RIMS1: variants seen among roughly 807,000 people sequenced by gnomAD.
RIMS1 encodes regulating synaptic membrane exocytosis protein 1.
In RIMS1, 83 loss-of-function variants were observed where a neutral mutation model predicts 214.1. That is an observed-to-expected ratio of 0.39 (90% CI 0.32 to 0.47). The LOEUF (loss-of-function observed/expected upper bound fraction) is 0.47, where lower values mean the gene tolerates loss of function less well. RIMS1 is among the 20% of genes least tolerant of loss of function. The pLI is 0.99. For missense variants in RIMS1, 2,050 were observed against 2,161.8 expected, an observed-to-expected ratio of 0.95 and a Z score of 1.03; for synonymous variants, 793 against 786.8, an observed-to-expected ratio of 1.01 and a Z score of -0.13.
chr6:72,090,347 T>G (rs1381249123), intron 2 of RIMS1, among the ~76,000 whole-genome samples: 2 of 152,086 alleles, frequency 1.3e-5, no homozygotes, highest in Non-Finnish European at 2.9e-5. Context: ...GATTTTGTTT[T>G]GAGGGGCATT....
At chr6:72,026,454 C>T (rs537252101) in intron 2 of RIMS1, among the ~76,000 whole-genome samples, 21 of 82,320 alleles carry the variant, frequency 2.6e-4, no homozygotes, top group Admixed American at 1.3e-3. Flanking sequence ...CCCCCAGCAC[C>T]GCCCCCCCCC....
chr6:72,400,475 T>TG (rs2154461128), intron 33 of RIMS1, 21 bp from the exon 34 acceptor site: 1 of 1,604,010 alleles, frequency 6.2e-7, no homozygotes, highest in East Asian at 2.2e-5. Context: ...CAGGTAATGT[T>TG]GCATTTCTCT....
intron 2 of RIMS1, among the ~76,000 whole-genome samples, chr6:72,059,494 G>A (rs1307133252): frequency 6.6e-6 from 1 of 152,140 alleles, no homozygotes; most frequent in African/African-American, 2.4e-5. Context: ...CTCCCAAAGT[G>A]CTGGAATTAC....
chr6:72,044,244 G>T (rs889453802), intron 2 of RIMS1, among the ~76,000 whole-genome samples: 7 of 151,560 alleles, frequency 4.6e-5, no homozygotes, highest in African/African-American at 1.7e-4. Context: ...ACTCAAAATG[G>T]ATTATAAACC....
At chr6:72,398,716 T>G (rs1325438309) in intron 32 of RIMS1, among the ~76,000 whole-genome samples, 1 of 152,156 alleles carries the variant, frequency 6.6e-6, no homozygotes, top group Non-Finnish European at 1.5e-5. Context: ...GTAACCCAAG[T>G]AAGTCAAAGT....
intron 1 of RIMS1, among the ~76,000 whole-genome samples, chr6:71,889,369 A>G (rs1042430965): frequency 3.3e-5 from 5 of 152,214 alleles, no homozygotes; most frequent in African/African-American, 7.2e-5. Flanking sequence ...CCAACTGCTC[A>G]TGTCTAACAC....
chr6:72,216,301 A>T (rs1228321602), intron 6 of RIMS1: 3 of 214,834 alleles, frequency 1.4e-5, no homozygotes, highest in East Asian at 3.7e-4. Context: ...ATGCATCTAC[A>T]GTCCTCAAAA....
At chr6:72,321,123 G>A (rs1031509120) in intron 28 of RIMS1, among the ~76,000 whole-genome samples, 1 of 151,962 alleles carries the variant, frequency 6.6e-6, no homozygotes, top group Non-Finnish European at 1.5e-5. Context: ...CCTCAAGATG[G>A]CATATATGCT....
chr6:72,244,541 GA>G (rs1251786084), intron 10 of RIMS1, among the ~76,000 whole-genome samples: 4 of 151,622 alleles, frequency 2.6e-5, no homozygotes, highest in South Asian at 2.1e-4. Context: ...ATTGTTCCTG[GA>G]TTTTTTTACA....
chr6:71,988,769 T>G (rs1240219531), intron 2 of RIMS1, among the ~76,000 whole-genome samples: 1 of 152,212 alleles, frequency 6.6e-6, no homozygotes, highest in Non-Finnish European at 1.5e-5. Flanking sequence ...ACAGAGTAAC[T>G]GTTATTACAA....
intron 9 of RIMS1, among the ~76,000 whole-genome samples, chr6:72,239,616 T>C (rs2697446): frequency 0.71 from 107,300 of 152,182 alleles, 38,727 homozygotes; most frequent in East Asian, 0.98. Context: ...TGCAATCTTG[T>C]TTTAATCTTG....
intron 28 of RIMS1, among the ~76,000 whole-genome samples, chr6:72,333,240 T>C (rs1352793479): frequency 1.3e-5 from 2 of 151,958 alleles, no homozygotes; most frequent in South Asian, 4.1e-4. Flanking sequence ...TATGAACTTT[T>C]CTTAATAATT....
rs1029076757 is a variant in RIMS1 at position 72,005,899 on chromosome 6, T to C, written c.245+36836T>C. ...TCAATGTAACACAACATATAGTAAA[T>C]GGAAAGACTGAAGTCTTAGTCAATT... On this transcript the variant is annotated intron_variant, in intron 2 of 33. Coordinates refer to ENST00000521978, the MANE Select transcript of RIMS1 (RefSeq NM_014989.7). Among the ~76,000 whole-genome samples, 7 of 152,182 alleles carry C rather than the reference T, an allele frequency of 4.6e-5. No homozygotes were observed. In the South Asian group the frequency reaches 1.4e-3, roughly 31 times the overall value.
chr6:72,392,321 T>A (rs1035981937), intron 30 of RIMS1, among the ~76,000 whole-genome samples: 10 of 152,224 alleles, frequency 6.6e-5, no homozygotes, highest in Non-Finnish European at 1.0e-4. Flanking sequence ...TTGGCCACTT[T>A]AAAAATTTAG....
At chr6:72,214,267 T>C (rs1232705292) in intron 6 of RIMS1, among the ~76,000 whole-genome samples, 2 of 152,282 alleles carry the variant, frequency 1.3e-5, no homozygotes, top group East Asian at 3.9e-4. Flanking sequence ...AGAAAATACT[T>C]AATAAACCAA....
chr6:71,952,300 T>C (rs1789860460), intron 1 of RIMS1, among the ~76,000 whole-genome samples: 2 of 152,218 alleles, frequency 1.3e-5, no homozygotes, highest in South Asian at 4.1e-4. Flanking sequence ...ATAGTCATTA[T>C]CTATATTGAA....
Position 72,355,228 on chromosome 6 carries a change from C to T in RIMS1, c.4366+21393C>T, listed in dbSNP as rs189299970. ...CAATCCATAGTTGATTTTATATTGT[C>T]TCTAAACTTTTATATTGTCTCTAAA... On this transcript the variant is annotated intron_variant, in intron 29 of 33. Coordinates refer to ENST00000521978, the MANE Select transcript of RIMS1 (RefSeq NM_014989.7). Among the ~76,000 whole-genome samples the T allele has an allele frequency of 2.0e-5, 3 of 152,176 alleles. No homozygotes were observed. The East Asian group carries it at 5.8e-4, about 29-fold the overall frequency.
At chr6:72,005,381 A>G (rs1229836944) in intron 2 of RIMS1, among the ~76,000 whole-genome samples, 1 of 152,132 alleles carries the variant, frequency 6.6e-6, no homozygotes, top group Non-Finnish European at 1.5e-5. Flanking sequence ...TATGAACATT[A>G]AAGTAGTTTT....
At chr6:72,146,383 C>T (rs1466969412) in intron 4 of RIMS1, among the ~76,000 whole-genome samples, 1 of 152,262 alleles carries the variant, frequency 6.6e-6, no homozygotes, top group Middle Eastern at 3.4e-3. Flanking sequence ...AGGTAGAAAG[C>T]TTGATTTCAT....
Sources: gnomAD v4.1 joint callset for allele counts (sites outside exome capture counted in the v4.1 genomes callset) on GRCh38, gnomAD v4.1.1 for gene constraint, MANE v1.5 for transcripts, NCBI Gene and HGNC (gene_info 2026-07-23, HGNC 2026-07-21) for gene names.